The following MDN1 variants were observed in gnomAD, a reference collection of about 807,000 sequenced individuals.
MDN1 encodes midasin.
Under a neutral mutation model 669.2 loss-of-function variants are expected in MDN1, and 266 were observed. The observed-to-expected ratio is 0.40, with a 90% CI of 0.36 to 0.44. The LOEUF (loss-of-function observed/expected upper bound fraction) is 0.44, where lower values mean the gene tolerates loss of function less well. Ranked by LOEUF, MDN1 falls within the 20% of genes least tolerant of loss-of-function variation. The pLI is 1.00. For missense variants in MDN1, 5,940 were observed against 6,754.0 expected, an observed-to-expected ratio of 0.88 and a Z score of 4.22; for synonymous variants, 2,385 against 2,457.1, an observed-to-expected ratio of 0.97 and a Z score of 0.87.
chr6:89,793,067 C>T (rs1212821419), intron 5 of MDN1, among the ~76,000 whole-genome samples: 1 of 152,106 alleles, frequency 6.6e-6, no homozygotes, highest in Non-Finnish European at 1.5e-5. Context: ...CCCACTAGTG[C>T]CAGACTTATG....
chr6:89,779,946 A>C (rs1168821407), intron 11 of MDN1, among the ~76,000 whole-genome samples: 3 of 151,870 alleles, frequency 2.0e-5, no homozygotes, highest in Non-Finnish European at 4.4e-5. Flanking sequence ...GGTGCCTGTA[A>C]CCCCAGCTAC....
intron 1 of MDN1, among the ~76,000 whole-genome samples, chr6:89,806,712 A>C (rs757149744): frequency 2.6e-5 from 4 of 151,306 alleles, no homozygotes; most frequent in Non-Finnish European, 4.4e-5. Flanking sequence ...ATAGAGTGAG[A>C]CTCCACCTCA....
intron 5 of MDN1, among the ~76,000 whole-genome samples, chr6:89,793,530 T>G (rs1819392322): frequency 6.6e-6 from 1 of 152,140 alleles, no homozygotes; most frequent in Admixed American, 6.6e-5. Context: ...ACAGACAACA[T>G]AGTGAGACCC....
rs762048611 is a variant in MDN1 at position 89,745,257 on chromosome 6, T to C, written c.4178+16A>G. The C allele has an allele frequency of 3.1e-6, 5 of 1,613,510 alleles. No homozygotes were observed. The highest frequency in any genetic ancestry group is 2.2e-5 in the East Asian group (1 of 44,886). On this transcript the variant is annotated intron_variant, in intron 29 of 101. Transcript: ENST00000369393. Reference sequence around the variant, plus strand: ...ATTGAAATGAACCCTCATGAGTCACTGTCACAGATCTTTACCCAGTGTCTC... The same window carrying C: ...ATTGAAATGAACCCTCATGAGTCACCGTCACAGATCTTTACCCAGTGTCTC...
At chr6:89,743,461 T>C (rs1248950239) in intron 30 of MDN1, 115 bp downstream of exon 30, 1 of 1,365,682 alleles carries the variant, frequency 7.3e-7, no homozygotes, top group African/African-American at 1.5e-5. Context: ...AGAGAAAATC[T>C]GCAGATATGC....
intron 84 of MDN1, among the ~76,000 whole-genome samples, chr6:89,665,408 T>G (rs2128302206): frequency 6.6e-6 from 1 of 152,272 alleles, no homozygotes; most frequent in African/African-American, 2.4e-5. Context: ...TATGGTTGAT[T>G]TTTGAAAGTC....
intron 87 of MDN1, 43 bp downstream of exon 87, chr6:89,662,044 G>A: frequency 6.3e-7 from 1 of 1,584,734 alleles, no homozygotes; most frequent in Non-Finnish European, 8.6e-7. Flanking sequence ...CAAGAGCTCT[G>A]GCCTTGAGTC....
chr6:89,811,611 A>G (rs1249138944), intron 1 of MDN1, among the ~76,000 whole-genome samples: 2 of 151,730 alleles, frequency 1.3e-5, no homozygotes, highest in African/African-American at 4.8e-5. Context: ...ACGCCCAGCT[A>G]ATTTTTGTAT....
Position 89,718,866 on chromosome 6 carries a change from G to T in MDN1, c.6222C>A (p.Ser2074Arg), listed in dbSNP as rs776860718. The change falls in exon 42 of 102, where the codon AGC becomes AGA. Residue 2074 changes from serine to arginine, a missense_variant. Around this residue, in one of 5 missense-constraint regions of MDN1, gnomAD observed 2,292 missense variants for 2,638.3 expected, o/e 0.87. Coordinates refer to ENST00000369393, the MANE Select transcript of MDN1 (RefSeq NM_014611.3). ...TAAGGTGTGCCAGAAGCTGGACCAG[G>T]CTGGTCTTGCCCACAGAGGCTGGCC... ...LVGPASVGKT[S>R]LVQLLAHLTG... The T allele has an allele frequency of 2.5e-6, 4 of 1,614,036 alleles. No individual in the cohort carries two copies. The highest frequency in any genetic ancestry group is 3.4e-6 in the Non-Finnish European group (4 of 1,180,016).
chr6:89,736,490 C>T (rs1815981271), intron 33 of MDN1, among the ~76,000 whole-genome samples: 1 of 152,184 alleles, frequency 6.6e-6, no homozygotes, highest in Admixed American at 6.5e-5. Context: ...GCTTGGTTAA[C>T]GATTTCTGTC....
chr6:89,790,032 A>G, intron 6 of MDN1, 121 bp from the exon 7 acceptor site: 4 of 1,581,674 alleles, frequency 2.5e-6, no homozygotes, highest in Non-Finnish European at 2.6e-6. Flanking sequence ...TGAGGTTTAC[A>G]TAGGTTGGCC....
chr6:89,730,985 G>T, intron 34 of MDN1, 62 bp from the exon 35 acceptor site: 1 of 1,450,736 alleles, frequency 6.9e-7, no homozygotes, highest in Non-Finnish European at 9.5e-7. Context: ...CCACCATTAA[G>T]CAGGAGCTCT....
chr6:89,819,611 C>T lies in MDN1; in HGVS notation c.-4G>A. ...CCTCCAGCAAGAAGTGCTCCATGAC[C>T]CAGGGCCCTCACCCCGAGCGGCCAC... On this transcript the variant is annotated 5_prime_UTR_variant, in exon 1 of 102. Coordinates refer to ENST00000369393, the MANE Select transcript of MDN1 (RefSeq NM_014611.3). 1 of 1,600,424 alleles carries T rather than the reference C, an allele frequency of 6.2e-7. No individual in the cohort carries two copies. Among genetic ancestry groups the T allele is most frequent in the Non-Finnish European group, 8.5e-7 (1 of 1,179,614 alleles).
Position 89,701,601 on chromosome 6 carries a change from A to C in MDN1, c.8384T>G (p.Ile2795Arg). The C allele has an allele frequency of 6.2e-7, 1 of 1,614,186 alleles. No homozygotes were observed. The highest frequency in any genetic ancestry group is 1.1e-5 in the South Asian group (1 of 91,080). The change falls in exon 55 of 102, where the codon ATA becomes AGA. Residue 2795 changes from isoleucine to arginine, a missense_variant. Coordinates refer to ENST00000369393, the MANE Select transcript of MDN1 (RefSeq NM_014611.3). ...TCCCAGGAACTTCTGCAACTTCTTTATACCAGCGAAGCCACCAGTCTGGCT... is the reference window on the plus strand; with the variant it reads ...TCCCAGGAACTTCTGCAACTTCTTTCTACCAGCGAAGCCACCAGTCTGGCT... Reference protein sequence around the residue: ...LGSQTGGFAGIKKLQKFLGRP... With the variant: ...LGSQTGGFAGRKKLQKFLGRP...
chr6:89,728,358 C>CA (rs1815366103), intron 36 of MDN1, among the ~76,000 whole-genome samples: 2 of 151,762 alleles, frequency 1.3e-5, no homozygotes, highest in South Asian at 4.2e-4. Context: ...AAAATTTAAG[C>CA]AAAAAATTAA....
rs186586686 is a variant in MDN1, at chr6:89,654,035, T to C, written c.15661+129A>G. 6 of 1,069,818 alleles carry C rather than the reference T, an allele frequency of 5.6e-6. No homozygotes were observed. The East Asian group carries it at 1.5e-4, about 27-fold the overall frequency. The allele number at this position is 1,069,818 out of a possible 1,614,324, so 66.3% of individuals were successfully genotyped here. Reference sequence around the variant, plus strand: ...CAAACAAAATATAGTGAAATTATTATAGGCAATTCATTCATCTAAGCCATG... The same window carrying C: ...CAAACAAAATATAGTGAAATTATTACAGGCAATTCATTCATCTAAGCCATG... On this transcript the variant is annotated intron_variant, in intron 93 of 101. Coordinates refer to ENST00000369393, the MANE Select transcript of MDN1 (RefSeq NM_014611.3).
chr6:89,808,595 C>T (rs1768164032), intron 1 of MDN1, among the ~76,000 whole-genome samples: 3 of 152,152 alleles, frequency 2.0e-5, no homozygotes, highest in African/African-American at 7.2e-5. Context: ...TCACCAGACC[C>T]CATATCCCTA....
intron 19 of MDN1, among the ~76,000 whole-genome samples, chr6:89,757,925 G>A (rs1817333333): frequency 6.6e-6 from 1 of 152,158 alleles, no homozygotes; most frequent in Non-Finnish European, 1.5e-5. Flanking sequence ...GCATGCACCT[G>A]TAGTCCCAGC....
chr6:89,685,742 C>T, intron 70 of MDN1, 85 bp downstream of exon 70: 2 of 1,454,628 alleles, frequency 1.4e-6, no homozygotes, highest in African/African-American at 1.4e-5. Flanking sequence ...TAGCGTGCAA[C>T]AAGGCACCTG....
Sources: gnomAD v4.1 joint callset for allele counts (sites outside exome capture counted in the v4.1 genomes callset) on GRCh38, gnomAD v4.1.1 for gene constraint, gnomAD v4.1.1 regional missense constraint, MANE v1.5 for transcripts, NCBI Gene and HGNC (gene_info 2026-07-23, HGNC 2026-07-21) for gene names.